The following HMGA2 variants were observed in gnomAD, a reference collection of about 807,000 sequenced individuals.
The protein encoded by HMGA2 is high mobility group protein HMGI-C.
A neutral mutation model predicts 19.1 loss-of-function variants in HMGA2; 8 were observed. The ratio of observed to expected loss-of-function variants is 0.42; its 90% CI spans 0.25 to 0.76. HMGA2 has a LOEUF of 0.76. Among genes scored for constraint, HMGA2 ranks in the 30% least tolerant of loss-of-function variants. The probability of loss-of-function intolerance (pLI) is 0.28; values close to 1 mark genes in which losing one functional copy is unlikely to be tolerated. For synonymous variants in HMGA2, 60 were observed against 48.8 expected (o/e 1.23, Z -0.96); for missense variants, 109 against 136.3 (o/e 0.80, Z 1.00).
intron 3 of HMGA2, among the ~76,000 whole-genome samples, chr12:65,864,780 C>T (rs1391313604): frequency 6.6e-6 from 1 of 152,162 alleles, no homozygotes; most frequent in Non-Finnish European, 1.5e-5. Flanking sequence ...CAGTGGCCTA[C>T]ATTTTTTAGA....
At chr12:65,893,967 G>GATGATATTTTTTAATTC in intron 3 of HMGA2, among the ~76,000 whole-genome samples, 1 of 152,186 alleles carries the variant, frequency 6.6e-6, no homozygotes, top group East Asian at 1.9e-4. Context: ...TTTTTTTGTA[G>GATGATATTTTTTAATTC]ACTTTAGTAC....
intron 3 of HMGA2, among the ~76,000 whole-genome samples, chr12:65,880,661 T>C (rs1001592914): frequency 7.9e-5 from 12 of 152,184 alleles, no homozygotes; most frequent in African/African-American, 2.7e-4. Context: ...AATCAGACAA[T>C]GTACAGTTAA....
At position 65,910,917 on chromosome 12, in the gene HMGA2, T is replaced by C. The variant is rs1315509797; in HGVS notation, c.250-40466T>C. On this transcript the variant is annotated intron_variant, in intron 3 of 4. Coordinates refer to ENST00000403681, the MANE Select transcript of HMGA2 (RefSeq NM_003483.6). The stretch of plus-strand genomic sequence containing the variant: ...TGTATAGACCAGTTAGTAGTAGCAA[T>C]TAGTAGTCACTGAATGCCAGTGGTT... Among the ~76,000 whole-genome samples the C allele has an allele frequency of 2.0e-5, 3 of 152,184 alleles. No individual in the cohort carries two copies. The East Asian group carries it at 5.8e-4, about 29-fold the overall frequency.
chr12:65,906,779 G>A (rs1186157857), intron 3 of HMGA2, among the ~76,000 whole-genome samples: 1 of 152,216 alleles, frequency 6.6e-6, no homozygotes, highest in Non-Finnish European at 1.5e-5. Context: ...AAGTTCTGTA[G>A]AGTAAGGATT....
chr12:65,841,137 G>A (rs976275631), intron 3 of HMGA2, among the ~76,000 whole-genome samples: 3 of 152,132 alleles, frequency 2.0e-5, no homozygotes, highest in African/African-American at 7.2e-5. Context: ...AAACTATAGA[G>A]CAATTAAAGG....
chr12:65,827,247 T>G (rs12301016), intron 1 of HMGA2, among the ~76,000 whole-genome samples: 4,247 of 152,218 alleles, frequency 0.028, 189 homozygotes, highest in African/African-American at 0.093. Context: ...TCCACCCCCA[T>G]AAGAGTTTTC....
intron 3 of HMGA2, among the ~76,000 whole-genome samples, chr12:65,855,271 G>C (rs1263698241): frequency 6.6e-6 from 1 of 152,046 alleles, no homozygotes; most frequent in Non-Finnish European, 1.5e-5. Flanking sequence ...ATTGTACTTT[G>C]GCTATCTGGC....
intron 3 of HMGA2, among the ~76,000 whole-genome samples, chr12:65,913,353 G>C (rs111794118): frequency 6.6e-6 from 1 of 152,104 alleles, no homozygotes; most frequent in African/African-American, 2.4e-5. Flanking sequence ...TGCACAGGAA[G>C]AAGATCCCCC....
chr12:65,838,350 G>A (rs1341118995), intron 2 of HMGA2, among the ~76,000 whole-genome samples, 169 bp from the exon 3 acceptor site: 1 of 143,678 alleles, frequency 7.0e-6, no homozygotes, highest in East Asian at 2.0e-4. Context: ...CAGAAATGTG[G>A]AAAAAGATTA....
At chr12:65,890,710 C>G (rs546687141) in intron 3 of HMGA2, among the ~76,000 whole-genome samples, 1 of 151,322 alleles carries the variant, frequency 6.6e-6, no homozygotes, top group Non-Finnish European at 1.5e-5. Flanking sequence ...ACTATTTTAC[C>G]GCTTCTTCAG....
At chr12:65,934,455 C>T (rs1875823637) in intron 3 of HMGA2, among the ~76,000 whole-genome samples, 1 of 152,184 alleles carries the variant, frequency 6.6e-6, no homozygotes, top group Admixed American at 6.5e-5. Flanking sequence ...TACCCCAGCC[C>T]ACTTGTTCAA....
chr12:65,827,698 C>A (rs547555687), intron 1 of HMGA2, among the ~76,000 whole-genome samples: 5 of 152,288 alleles, frequency 3.3e-5, no homozygotes, highest in Non-Finnish European at 5.9e-5. Context: ...AAACTTTACA[C>A]CTTAAAAGTA....
intron 3 of HMGA2, among the ~76,000 whole-genome samples, chr12:65,869,120 GT>G (rs1172224331): frequency 6.6e-6 from 1 of 152,160 alleles, no homozygotes; most frequent in Non-Finnish European, 1.5e-5. Flanking sequence ...TCTAGGAACT[GT>G]TTTCTAAGGA....
intron 3 of HMGA2, among the ~76,000 whole-genome samples, chr12:65,887,262 G>C (rs1873696861): frequency 6.6e-6 from 1 of 152,154 alleles, no homozygotes; most frequent in African/African-American, 2.4e-5. Context: ...GCATTCCAAT[G>C]AGTCACCATA....
intron 3 of HMGA2, 61 bp downstream of exon 3, chr12:65,838,630 T>G: frequency 8.2e-7 from 1 of 1,224,564 alleles, no homozygotes; most frequent in Non-Finnish European, 1.2e-6. Flanking sequence ...TTGTATTAAA[T>G]GAGAAAAGTT....
chr12:65,835,298 A>G (rs1271035538), intron 2 of HMGA2, among the ~76,000 whole-genome samples: 3 of 152,218 alleles, frequency 2.0e-5, no homozygotes, highest in Non-Finnish European at 4.4e-5. Flanking sequence ...TCCAATATGT[A>G]AAAATCCTGG....
intron 3 of HMGA2, chr12:65,881,727 A>G: frequency 1.4e-6 from 1 of 703,030 alleles, no homozygotes; most frequent in Admixed American, 2.0e-5. Context: ...CTGACTCCGC[A>G]CACATTCCCT....
chr12:65,881,789 C>A, intron 3 of HMGA2: 1 of 703,058 alleles, frequency 1.4e-6, no homozygotes, highest in Non-Finnish European at 2.6e-6. Flanking sequence ...CCTGCTGATC[C>A]CGGAACTGGC....
At chr12:65,834,755 T>C (rs1239796982) in intron 2 of HMGA2, among the ~76,000 whole-genome samples, 2 of 152,148 alleles carry the variant, frequency 1.3e-5, no homozygotes, top group Non-Finnish European at 2.9e-5. Context: ...CTTTCCTAAT[T>C]AGTTTTTAAA....
Sources: gnomAD v4.1 joint callset for allele counts (sites outside exome capture counted in the v4.1 genomes callset) on GRCh38, gnomAD v4.1.1 for gene constraint, MANE v1.5 for transcripts, NCBI Gene and HGNC (gene_info 2026-07-23, HGNC 2026-07-21) for gene names.